The following ESCO2 variants were observed in gnomAD, a reference collection of about 807,000 sequenced individuals.
The protein encoded by ESCO2 is N-acetyltransferase ESCO2.
A neutral mutation model predicts 61.7 loss-of-function variants in ESCO2; 51 were observed. The ratio of observed to expected loss-of-function variants is 0.83; its 90% CI spans 0.66 to 1.04. The LOEUF (loss-of-function observed/expected upper bound fraction) is 1.04. Ranked by LOEUF, ESCO2 falls within the 50% of genes least tolerant of loss-of-function variation. The pLI, the probability that ESCO2 is intolerant of heterozygous loss-of-function variation, is 0.00. For synonymous variants in ESCO2, 230 were observed against 238.2 expected (o/e 0.97, Z 0.32); for missense variants, 692 against 686.2 (o/e 1.01, Z -0.09).
chr8:27,779,156 A>G (rs1338550472), intron 3 of ESCO2: 5 of 152,092 alleles, frequency 3.3e-5, no homozygotes, highest in Non-Finnish European at 7.3e-5. Context: ...TTTGTGATCC[A>G]CCTGCCTTGG....
At chr8:27,801,198 A>G (rs1355152113) in intron 10 of ESCO2, among the ~76,000 whole-genome samples, 1 of 152,212 alleles carries the variant, frequency 6.6e-6, no homozygotes, top group Non-Finnish European at 1.5e-5. Flanking sequence ...GTCACAAACA[A>G]GCCTGTTTGC....
At chr8:27,814,752 A>C (rs1805778382), downstream of ESCO2, among the ~76,000 whole-genome samples, 3 of 152,190 alleles carry the variant, frequency 2.0e-5, 1 homozygote, top group South Asian at 6.2e-4. Flanking sequence ...ATTTTATTTG[A>C]CCCATAGGTT....
chr8:27,774,781 G>A (rs902776535), intron 1 of ESCO2, 174 bp downstream of exon 1: 3 of 152,290 alleles, frequency 2.0e-5, no homozygotes, highest in Non-Finnish European at 4.4e-5. Flanking sequence ...CACAGGCGCC[G>A]GGTTTCCCTC....
intron 3 of ESCO2, chr8:27,777,371 T>C (rs936453301): frequency 2.3e-6 from 1 of 436,890 alleles, no homozygotes; most frequent in African/African-American, 2.1e-5. Context: ...AGTGGCACAC[T>C]GCTCACTACA....
intron 9 of ESCO2, 53 bp from the exon 10 acceptor site, chr8:27,799,488 A>G (rs1053889711): frequency 6.3e-7 from 1 of 1,575,196 alleles, no homozygotes; most frequent in African/African-American, 1.4e-5. Flanking sequence ...TTTTTAAAGC[A>G]GTGTGAACTC....
chr8:27,772,876 T>C (rs1372674224), upstream of ESCO2, among the ~76,000 whole-genome samples: 1 of 152,124 alleles, frequency 6.6e-6, no homozygotes, highest in African/African-American at 2.4e-5. Flanking sequence ...TTTTTAGGGT[T>C]AAATAAGTTA....
At chr8:27,812,264 C>T (rs1805702122), downstream of ESCO2, 1 of 151,664 alleles carries the variant, frequency 6.6e-6, no homozygotes, top group African/African-American at 2.4e-5. Context: ...ACTTTTAAAT[C>T]AAGAATGGAT....
downstream of ESCO2, among the ~76,000 whole-genome samples, chr8:27,817,606 T>C (rs1805843510): frequency 6.6e-6 from 1 of 152,154 alleles, no homozygotes; most frequent in African/African-American, 2.4e-5. Context: ...AATGAAGTTT[T>C]GCAGGAAATA....
At chr8:27,805,505 T>TTTTG (rs200370473), downstream of ESCO2, among the ~76,000 whole-genome samples, 15 of 152,252 alleles carry the variant, frequency 9.9e-5, no homozygotes, top group East Asian at 1.4e-3. Context: ...GTTGGGTGTT[T>TTTTG]TTTGTTTGTT....
chr8:27,813,034 G>T (rs532655292), downstream of ESCO2, among the ~76,000 whole-genome samples: 1 of 152,304 alleles, frequency 6.6e-6, no homozygotes, highest in African/African-American at 2.4e-5. Context: ...TATGTTTATT[G>T]TGGCACTATT....
intron 7 of ESCO2, 131 bp from the exon 8 acceptor site, chr8:27,791,832 T>C (rs925528886): frequency 3.7e-6 from 3 of 807,234 alleles, no homozygotes; most frequent in African/African-American, 3.6e-5. Flanking sequence ...TTACTTTTAG[T>C]TGGATTTCAT....
In ESCO2 at chr8:27,775,537, A is replaced by C. The variant is rs146504750; in HGVS notation, c.23A>C (p.Lys8Thr). Residue 8 changes from lysine (K) to threonine (T), a missense_variant, in exon 2 of 11, where the codon AAG (lysine) becomes ACG (threonine). Transcript: ENST00000305188. MAALTPR[K>T]RKQDSLKCDS... Reference sequence around the variant, plus strand: ...AAAATGGCAGCTCTTACTCCAAGGAAGAGGAAGCAGGATTCTTTGAAGTGT... The same window carrying C: ...AAAATGGCAGCTCTTACTCCAAGGACGAGGAAGCAGGATTCTTTGAAGTGT... 9 of 1,614,058 alleles carry C rather than the reference A, an allele frequency of 5.6e-6. No homozygotes were observed. The highest frequency in any genetic ancestry group is 5.9e-6 in the Non-Finnish European group (7 of 1,180,014).
At chr8:27,772,748 AT>A, upstream of ESCO2, 1 of 571,116 alleles carries the variant, frequency 1.8e-6, no homozygotes, top group Non-Finnish European at 3.2e-6. Context: ...TGGTTCAGTG[AT>A]TTGTGGGTTA....
downstream of ESCO2, chr8:27,809,717 T>C (rs570089943): frequency 4.6e-5 from 7 of 152,244 alleles, no homozygotes; most frequent in African/African-American, 1.7e-4. Context: ...ATTAATAAAT[T>C]TTAAACTCAG....
At chr8:27,812,592 A>G (rs537903561), downstream of ESCO2, 4 of 151,392 alleles carry the variant, frequency 2.6e-5, no homozygotes, top group South Asian at 8.4e-4. Flanking sequence ...GCTAATATCC[A>G]GAATCTACAA....
rs1221044790 is a variant in ESCO2, at chr8:27,803,994, C to T, written c.*556C>T. The T allele has an allele frequency of 1.0e-6, 1 of 987,250 alleles. No individual in the cohort carries two copies. The highest frequency in any genetic ancestry group is 1.2e-6 in the Non-Finnish European group (1 of 831,646). The allele number at this position is 987,250 out of a possible 1,614,324, so 61.2% of individuals were successfully genotyped here. ...GGGCTCAAGCGATCCTCCCAAAACG[C>T]TGGGATTACAGTCATGAGCCACCGT... On this transcript the variant is annotated 3_prime_UTR_variant, in exon 11 of 11. Coordinates refer to ENST00000305188, the MANE Select transcript of ESCO2 (RefSeq NM_001017420.3).
intron 9 of ESCO2, among the ~76,000 whole-genome samples, chr8:27,796,754 G>A (rs1227163331): frequency 2.0e-5 from 3 of 152,142 alleles, no homozygotes; most frequent in Non-Finnish European, 1.5e-5. Flanking sequence ...AAAAGAGTGT[G>A]CATTCATTCC....
chr8:27,772,545 C>T, upstream of ESCO2: 1 of 1,549,470 alleles, frequency 6.5e-7, no homozygotes, highest in Non-Finnish European at 8.7e-7. Context: ...CACCATGATC[C>T]CGGGAGCGGT....
chr8:27,789,683 A>G (rs1585401560), intron 7 of ESCO2, among the ~76,000 whole-genome samples: 1 of 151,448 alleles, frequency 6.6e-6, no homozygotes, highest in South Asian at 2.1e-4. Context: ...CGGGAGGCTG[A>G]GGCAGGAGAA....
Sources: gnomAD v4.1 joint callset for allele counts (sites outside exome capture counted in the v4.1 genomes callset) on GRCh38, gnomAD v4.1.1 for gene constraint, MANE v1.5 for transcripts, NCBI Gene and HGNC (gene_info 2026-07-23, HGNC 2026-07-21) for gene names.